The following ARAP2 variants were observed in gnomAD, a reference collection of about 807,000 sequenced individuals.
The protein encoded by ARAP2 is arf-GAP with Rho-GAP domain, ANK repeat and PH domain-containing protein 2.
Under a neutral mutation model 194.5 loss-of-function variants are expected in ARAP2, and 148 were observed. The observed-to-expected ratio is 0.76, with a 90% CI of 0.67 to 0.87. The LOEUF is 0.87. ARAP2 is among the 40% of genes least tolerant of loss of function. The pLI, the probability that ARAP2 is intolerant of heterozygous loss-of-function variation, is 0.00. For missense variants in ARAP2, 2,128 were observed against 1,989.7 expected, an observed-to-expected ratio of 1.07 and a Z score of -1.32; for synonymous variants, 695 against 683.5, an observed-to-expected ratio of 1.02 and a Z score of -0.26.
At position 36,066,916 on chromosome 4, in the gene ARAP2, C is replaced by T. The variant is rs1577716895; in HGVS notation, c.*991G>A. ...ATTCTTCCAGTTATTTCTGACAACT[C>T]GGAGAAAAACATTACAACCTTAATA... On this transcript the variant is annotated 3_prime_UTR_variant, in exon 33 of 33. Transcript: ENST00000303965. 1 of 152,026 alleles carries T rather than the reference C, an allele frequency of 6.6e-6. No individual in the cohort carries two copies. The highest frequency in any genetic ancestry group is 1.9e-4 in the East Asian group (1 of 5,194). The allele number at this position is 152,026 out of a possible 1,614,324, so 9.4% of individuals were successfully genotyped here.
chr4:36,026,006 T>C (rs1012380539), intron 5 of ARAP2, among the ~76,000 whole-genome samples: 3 of 152,256 alleles, frequency 2.0e-5, no homozygotes, highest in South Asian at 2.1e-4. Flanking sequence ...ACAAAACCTC[T>C]CAAATTGCTG....
At chr4:36,047,151 G>A (rs997572) in intron 3 of ARAP2, 78,714 of 152,160 alleles carry the variant, frequency 0.52, 24,017 homozygotes, top group Non-Finnish European at 0.66. Flanking sequence ...TCTCTGCACT[G>A]TGGCGTCTGC....
At chr4:36,013,635 T>C (rs1714978508) in intron 8 of ARAP2, among the ~76,000 whole-genome samples, 1 of 152,192 alleles carries the variant, frequency 6.6e-6, no homozygotes, top group Admixed American at 6.5e-5. Flanking sequence ...TTAAGGAAAC[T>C]ATGACAGATC....
At chr4:36,092,545 G>A (rs999651490) in intron 27 of ARAP2, among the ~76,000 whole-genome samples, 5 of 152,140 alleles carry the variant, frequency 3.3e-5, no homozygotes, top group African/African-American at 1.2e-4. Flanking sequence ...AGGAGGCAGA[G>A]GTTGCAGTGA....
chr4:36,091,934 C>G lies in ARAP2; in HGVS notation c.4372G>C (p.Asp1458His), dbSNP rs1713778568. The G allele has an allele frequency of 6.2e-7, 1 of 1,608,066 alleles. No individual in the cohort carries two copies. Among genetic ancestry groups the G allele is most frequent in the African/African-American group, 1.3e-5 (1 of 74,820 alleles). Residue 1458 changes from aspartate to histidine, a missense_variant, in exon 28 of 33, where the codon GAC becomes CAC. By Grantham distance (81) the Asp-to-His change is moderately conservative. Transcript: ENST00000303965. ...CCATCTCGTAAAACAAAATACCGGT[C>G]TTGAAACTTATTTCCAGATAGTATT... ...SKILSGNKFQ[D>H]RYFVLRDGFL... is the part of the protein sequence containing the mutation.
chr4:36,076,440 C>T (rs1259706356), intron 31 of ARAP2, among the ~76,000 whole-genome samples: 1 of 152,072 alleles, frequency 6.6e-6, no homozygotes, highest in Non-Finnish European at 1.5e-5. Flanking sequence ...CTAGTCACAA[C>T]CTCATTTAAT....
chr4:36,177,620 C>T (rs1228825248), intron 9 of ARAP2, among the ~76,000 whole-genome samples: 2 of 152,016 alleles, frequency 1.3e-5, no homozygotes, highest in East Asian at 3.8e-4. Flanking sequence ...AGGTGATGTC[C>T]AGTTTCAAGT....
At chr4:36,137,957 T>A (rs913474774) in intron 19 of ARAP2, among the ~76,000 whole-genome samples, 2 of 151,734 alleles carry the variant, frequency 1.3e-5, no homozygotes, top group Admixed American at 6.6e-5. Flanking sequence ...TGAAAGATGA[T>A]CTACTAAAGC....
At chr4:36,173,454 T>C (rs1487309654) in intron 9 of ARAP2, among the ~76,000 whole-genome samples, 1 of 152,110 alleles carries the variant, frequency 6.6e-6, no homozygotes, top group Non-Finnish European at 1.5e-5. Flanking sequence ...CTATCAGCTT[T>C]GAACAGATTA....
At chr4:36,056,437 C>A (rs376503894) in intron 2 of ARAP2, among the ~76,000 whole-genome samples, 4 of 152,286 alleles carry the variant, frequency 2.6e-5, no homozygotes, top group East Asian at 1.9e-4. Flanking sequence ...ATGTTTCCTG[C>A]CTTAAAGACA....
intron 1 of ARAP2, among the ~76,000 whole-genome samples, chr4:36,234,533 C>G (rs1752098383): frequency 6.6e-6 from 1 of 152,172 alleles, no homozygotes; most frequent in African/African-American, 2.4e-5. Context: ...TCTGCTGTTC[C>G]ATAGATAGTG....
chr4:36,185,978 C>CAAAAAAAAAAAAA (rs1054588041), intron 8 of ARAP2, among the ~76,000 whole-genome samples: 1 of 135,152 alleles, frequency 7.4e-6, no homozygotes, highest in African/African-American at 2.8e-5. Flanking sequence ...AACTCTGTCT[C>CAAAAAAAAAAAAA]AAAAAAAAAA....
At position 36,212,387 on chromosome 4, in the gene ARAP2, A is replaced by T. The variant is rs766676042; in HGVS notation, c.1133+9T>A. On this transcript the variant is annotated intron_variant, in intron 5 of 32. Coordinates refer to ENST00000303965, the MANE Select transcript of ARAP2 (RefSeq NM_015230.4). ...AAATAGTTAATCATCATCAATCATG[A>T]TCTCATACCTTGATTTGATGATAAA... 3 of 1,594,116 alleles carry T rather than the reference A, an allele frequency of 1.9e-6. No homozygotes were observed. Among genetic ancestry groups the T allele is most frequent in the Non-Finnish European group, 2.6e-6 (3 of 1,162,840 alleles).
At chr4:36,199,906 C>T (rs76469867) in intron 6 of ARAP2, among the ~76,000 whole-genome samples, 10,575 of 152,192 alleles carry the variant, frequency 0.069, 484 homozygotes, top group Admixed American at 0.11. Flanking sequence ...TTAATTATTT[C>T]ACAATATATA....
At chr4:36,233,470 G>A (rs1345569765) in intron 1 of ARAP2, among the ~76,000 whole-genome samples, 3 of 152,152 alleles carry the variant, frequency 2.0e-5, no homozygotes, top group Non-Finnish European at 4.4e-5. Flanking sequence ...AGTTCTTGAG[G>A]CTTCCCAAAC....
intron 30 of ARAP2, among the ~76,000 whole-genome samples, 189 bp from the exon 31 acceptor site, chr4:36,080,468 A>T (rs893985459): frequency 6.6e-6 from 1 of 152,216 alleles, no homozygotes; most frequent in Admixed American, 6.6e-5. Context: ...ATACGAAGTT[A>T]TAGTGTAAAT....
intron 6 of ARAP2, among the ~76,000 whole-genome samples, chr4:36,204,224 G>C (rs891235860): frequency 6.6e-6 from 1 of 152,076 alleles, no homozygotes; most frequent in African/African-American, 2.4e-5. Flanking sequence ...TGAAAAATAG[G>C]CTATGTATAA....
intron 11 of ARAP2, among the ~76,000 whole-genome samples, chr4:36,162,134 ACTT>A (rs1263202689): frequency 0.016 from 936 of 58,114 alleles, 11 homozygotes; most frequent in African/African-American, 0.064. Flanking sequence ...AACTACACTT[ACTT>A]AAATATATAT....
intron 15 of ARAP2, 51 bp downstream of exon 15, chr4:36,158,679 A>G (rs765057713): frequency 4.8e-6 from 7 of 1,448,122 alleles, no homozygotes; most frequent in African/African-American, 1.5e-5. Flanking sequence ...TTGTTTTGAT[A>G]ATGGAATAAA....
Sources: allele counts gnomAD v4.1 joint callset (sites outside exome capture counted in the v4.1 genomes callset), GRCh38; gene constraint gnomAD v4.1.1; transcripts MANE v1.5; gene names NCBI Gene and HGNC (gene_info 2026-07-23, HGNC 2026-07-21).